Variants in AHSG observed in about 807,000 individuals in gnomAD.
The protein encoded by AHSG is alpha 2-HS glycoprotein, also known as alpha-2-HS-glycoprotein.
A neutral mutation model predicts 30.1 loss-of-function variants in AHSG; 23 were observed. The ratio of observed to expected loss-of-function variants is 0.76; its 90% CI spans 0.55 to 1.08. AHSG has a LOEUF of 1.08. Among genes scored for constraint, AHSG ranks in the 50% least tolerant of loss-of-function variants. The pLI, the probability that AHSG is intolerant of heterozygous loss-of-function variation, is 0.00. For missense variants in AHSG, 469 were observed against 459.5 expected (o/e 1.02, Z -0.19); for synonymous variants, 164 against 186.3 (o/e 0.88, Z 0.98).
intron 1 of AHSG, among the ~76,000 whole-genome samples, chr3:186,614,802 T>A (rs1309059585): frequency 6.6e-6 from 1 of 152,142 alleles, no homozygotes; most frequent in Non-Finnish European, 1.5e-5. Context: ...GGGGAGGGGA[T>A]GCTGAGGCTT....
At position 186,616,458 on chromosome 3, in the gene AHSG, T is replaced by A; in HGVS notation, c.340T>A (p.Cys114Ser). Reference protein sequence around the residue: ...QLKEHAVEGDCDFQLLKLDGK... With the variant: ...QLKEHAVEGDSDFQLLKLDGK... Reference sequence around the variant, plus strand: ...CTTTCTCCAGGCTGTCGAAGGAGACTGTGATTTCCAGCTGTTGAAACTAGA... The same window carrying A: ...CTTTCTCCAGGCTGTCGAAGGAGACAGTGATTTCCAGCTGTTGAAACTAGA... The change falls in exon 3 of 7, where the codon TGT becomes AGT. Residue 114 changes from cysteine to serine, a missense_variant. By Grantham distance (112) the Cys-to-Ser change is moderately radical. Transcript: ENST00000411641. 3.1e-6 allele frequency: 5 copies of A among 1,613,394 alleles called. No homozygotes were observed. The highest frequency in any genetic ancestry group is 4.2e-6 in the Non-Finnish European group (5 of 1,179,650).
rs539743116 is a variant in AHSG at position 186,620,754 on chromosome 3, C to T, written c.928C>T (p.His310Tyr). 4 of 1,614,206 alleles carry T rather than the reference C, an allele frequency of 2.5e-6. No individual in the cohort carries two copies. In the East Asian group the frequency reaches 8.9e-5, roughly 36 times the overall value. ...LLAAPPGHQL[H>Y]RAHYDLRHTF... is the part of the protein sequence containing the mutation. ...GGCAGCTCCTCCAGGACACCAGTTGCACCGGGCGCACTACGACCTGCGCCA... is the reference window on the plus strand; with the variant it reads ...GGCAGCTCCTCCAGGACACCAGTTGTACCGGGCGCACTACGACCTGCGCCA... Residue 310 changes from histidine (H) to tyrosine (Y), a missense_variant, in exon 7 of 7, where the codon CAC becomes TAC. Transcript: ENST00000411641.
At chr3:186,613,566 G>A (rs559302604) in intron 1 of AHSG, among the ~76,000 whole-genome samples, 3 of 152,286 alleles carry the variant, frequency 2.0e-5, no homozygotes, top group African/African-American at 7.2e-5. Flanking sequence ...TGGGTGGGGT[G>A]TGAGGTGGTG....
intron 4 of AHSG, chr3:186,617,724 C>T (rs1001126504): frequency 8.7e-6 from 3 of 346,808 alleles, no homozygotes; most frequent in Admixed American, 4.1e-5. Context: ...CACCCATCTC[C>T]GCTGAACATC....
At chr3:186,617,122 C>T in intron 3 of AHSG, 65 bp from the exon 4 acceptor site, 1 of 1,558,414 alleles carries the variant, frequency 6.4e-7, no homozygotes, top group African/African-American at 1.4e-5. Context: ...CTTGCTAACG[C>T]AGCAGAGCTG....
chr3:186,617,231 C>G lies in AHSG; in HGVS notation c.454C>G (p.Leu152Val), dbSNP rs755530712. The change falls in exon 4 of 7, where the codon CTG (leucine) becomes GTG (valine). Residue 152 changes from leucine (L) to valine (V), a missense_variant. Physicochemically the swap from Leu to Val is conservative, Grantham distance 32 (BLOSUM62 1). Coordinates refer to ENST00000411641, the MANE Select transcript of AHSG (RefSeq NM_001622.4). ...CAAGGTGTGCCAAGACTGCCCCCTG[C>G]TGGCCCCGCTGAACGACACCAGGGT... Reference protein sequence around the residue: ...VRKVCQDCPLLAPLNDTRVVH... With the variant: ...VRKVCQDCPLVAPLNDTRVVH... The G allele has an allele frequency of 1.2e-6, 2 of 1,614,056 alleles. No homozygotes were observed. Among genetic ancestry groups the G allele is most frequent in the Non-Finnish European group, 1.7e-6 (2 of 1,179,998 alleles).
intron 2 of AHSG, 130 bp downstream of exon 2, chr3:186,615,925 G>A (rs1190009804): frequency 2.6e-6 from 2 of 778,486 alleles, no homozygotes; most frequent in African/African-American, 3.4e-5. Flanking sequence ...GCCGAGCGCA[G>A]TGGCTCATGC....
At chr3:186,618,696 A>G in intron 5 of AHSG, 59 bp downstream of exon 5, 3 of 1,591,208 alleles carry the variant, frequency 1.9e-6, no homozygotes, top group Non-Finnish European at 2.6e-6. Context: ...GTGGAACAGA[A>G]CATCCTTGGA....
chr3:186,613,294 C>T lies in AHSG; in HGVS notation c.153C>T (p.Asn51=). 6.2e-7 allele frequency: 1 copy of T among 1,614,178 alleles called. No individual in the cohort carries two copies. Among genetic ancestry groups the T allele is most frequent in the South Asian group, 1.1e-5 (1 of 91,082 alleles). The change falls in exon 1 of 7, where the codon AAC becomes AAT. Residue 51 remains asparagine, a synonymous_variant. Transcript: ENST00000411641. ...ALVAIDYINQ[N]LPWGYKHTLN... ...TGGCTATAGACTACATCAATCAAAA[C>T]CTTCCTTGGGGATACAAACACACCT... is the stretch of plus-strand genomic sequence containing the variant.
intron 1 of AHSG, 145 bp downstream of exon 1, chr3:186,613,499 G>C (rs1285891535): frequency 1.3e-6 from 1 of 790,236 alleles, no homozygotes; most frequent in African/African-American, 1.8e-5. Flanking sequence ...GGAAGGGGCA[G>C]GCAGAGGGCA....
chr3:186,616,950 T>C (rs778270888), intron 3 of AHSG, among the ~76,000 whole-genome samples: 16 of 152,080 alleles, frequency 1.1e-4, no homozygotes, highest in Non-Finnish European at 2.4e-4. Context: ...TGACACAGAG[T>C]GAGACCCTGT....
intron 3 of AHSG, 29 bp from the exon 4 acceptor site, chr3:186,617,158 C>CATGT (rs777518475): frequency 4.0e-5 from 64 of 1,590,076 alleles, no homozygotes; most frequent in Admixed American, 5.1e-5. Flanking sequence ...GAATGGCTGC[C>CATGT]CACATCCTGG....
intron 6 of AHSG, 125 bp from the exon 7 acceptor site, chr3:186,620,461 C>A: frequency 2.3e-6 from 2 of 863,548 alleles, no homozygotes; most frequent in Non-Finnish European, 3.6e-6. Flanking sequence ...TCCTTTCTTG[C>A]TAGACTCTTT....
chr3:186,617,617 T>G (rs1041244740), intron 4 of AHSG: 2 of 553,610 alleles, frequency 3.6e-6, no homozygotes, highest in Non-Finnish European at 6.3e-6. Flanking sequence ...ACATCCCCAC[T>G]CCCTCCGTTC....
At chr3:186,614,755 G>T (rs1394734436) in intron 1 of AHSG, among the ~76,000 whole-genome samples, 1 of 152,204 alleles carries the variant, frequency 6.6e-6, no homozygotes, top group East Asian at 1.9e-4. Context: ...GTCACTCTGG[G>T]CACACCTGGA....
intron 1 of AHSG, 85 bp from the exon 2 acceptor site, chr3:186,615,600 C>G: frequency 9.1e-7 from 1 of 1,099,098 alleles, no homozygotes; most frequent in East Asian, 2.4e-5. Context: ...GGGGTGCTCT[C>G]AAGCCCAATG....
chr3:186,619,626 C>G (rs1716415359), intron 5 of AHSG, among the ~76,000 whole-genome samples: 1 of 152,096 alleles, frequency 6.6e-6, no homozygotes, highest in Non-Finnish European at 1.5e-5. Flanking sequence ...TCAATGTTAA[C>G]AGTCCTTCTT....
In AHSG at chr3:186,615,794, A is replaced by G. The variant is rs992583883; in HGVS notation, c.323A>G (p.His108Arg). The G allele has an allele frequency of 2.5e-6, 4 of 1,613,594 alleles. No individual in the cohort carries two copies. The highest frequency in any genetic ancestry group is 3.4e-6 in the Non-Finnish European group (4 of 1,179,556). ...ARCSVRQLKEHAVEGDCDFQL... is the reference protein window; with the variant it reads ...ARCSVRQLKERAVEGDCDFQL... Reference sequence around the variant, plus strand: ...TGCAGCGTGAGGCAGCTGAAGGAGCATGTGAGTACCCTTCTTAGGATGACT... The same window carrying G: ...TGCAGCGTGAGGCAGCTGAAGGAGCGTGTGAGTACCCTTCTTAGGATGACT... Residue 108 changes from histidine (H) to arginine (R), a missense_variant and splice_region_variant, in exon 2 of 7, where the codon CAT becomes CGT. Coordinates refer to ENST00000411641, the MANE Select transcript of AHSG (RefSeq NM_001622.4).
chr3:186,620,616 G>T lies in AHSG; in HGVS notation c.790G>T (p.Ala264Ser). ...GAGCTCACAGCCCCAACCAGAAGGT[G>T]CCAATGAAGCAGTCCCCACACCCGT... ...PVSSQPQPEG[A>S]NEAVPTPVVD... Residue 264 changes from alanine (A) to serine (S), a missense_variant, in exon 7 of 7, where the codon GCC becomes TCC. Ala to Ser is a moderately conservative substitution (Grantham distance 99, BLOSUM62 1). Coordinates refer to ENST00000411641, the MANE Select transcript of AHSG (RefSeq NM_001622.4). 1.2e-6 allele frequency: 2 copies of T among 1,606,864 alleles called. No individual in the cohort carries two copies. Among genetic ancestry groups the T allele is most frequent in the Non-Finnish European group, 1.7e-6 (2 of 1,173,970 alleles).
Sources: gnomAD v4.1 joint callset for allele counts (sites outside exome capture counted in the v4.1 genomes callset) on GRCh38, gnomAD v4.1.1 for gene constraint, MANE v1.5 for transcripts, NCBI Gene and HGNC (gene_info 2026-07-23, HGNC 2026-07-21) for gene names.